The following DPEP1 variants were observed in gnomAD, a reference collection of about 807,000 sequenced individuals.
DPEP1 encodes the protein dipeptidase 1.
DPEP1 carries 50 observed loss-of-function variants against 42.3 expected under a neutral mutation model. That is an observed-to-expected ratio of 1.18 (90% confidence interval 0.94 to 1.50). The LOEUF (loss-of-function observed/expected upper bound fraction) is 1.50, where lower values mean the gene tolerates loss of function less well. Among genes scored for constraint, DPEP1 ranks in the 40% most tolerant of loss-of-function variants. The pLI is 0.00. For missense variants in DPEP1, 663 were observed against 553.0 expected (o/e 1.20, Z -1.99); for synonymous variants, 297 against 234.0 (o/e 1.27, Z -2.46).
chr16:89,640,081 C>G (rs1478427738), downstream of DPEP1, among the ~76,000 whole-genome samples: 1 of 152,214 alleles, frequency 6.6e-6, no homozygotes, highest in Non-Finnish European at 1.5e-5. Flanking sequence ...CAGACGTGGT[C>G]CAGGCGTGAG....
rs935414408 is a variant in DPEP1 at position 89,614,095 on chromosome 16, G to A, written c.-107+376G>A. Among the ~76,000 whole-genome samples the A allele has an allele frequency of 1.3e-4, 19 of 146,530 alleles. No homozygotes were observed. The South Asian group carries it at 1.5e-3, about 12-fold the overall frequency. On this transcript the variant is annotated intron_variant, in intron 1 of 10. Transcript: ENST00000690203. Reference sequence around the variant, plus strand: ...CTTCCTGGGATTCTAGGAAACTGGGGCCAGGTGTGTGGGGCAGGGGACGCG... The same window carrying A: ...CTTCCTGGGATTCTAGGAAACTGGGACCAGGTGTGTGGGGCAGGGGACGCG...
intron 1 of DPEP1, among the ~76,000 whole-genome samples, chr16:89,618,644 A>C (rs932500144): frequency 4.8e-4 from 73 of 152,156 alleles, no homozygotes; most frequent in African/African-American, 1.6e-3. Context: ...CTGTGACTGC[A>C]GGCACACACC....
intron 1 of DPEP1, among the ~76,000 whole-genome samples, chr16:89,629,984 G>A (rs753898997): frequency 1.3e-5 from 2 of 152,144 alleles, no homozygotes; most frequent in Non-Finnish European, 2.9e-5. Context: ...GCAGATCTAG[G>A]CCCCCGGGTC....
At chr16:89,637,088 G>C in intron 6 of DPEP1, 116 bp from the exon 7 acceptor site, 1 of 1,529,862 alleles carries the variant, frequency 6.5e-7, no homozygotes, top group Non-Finnish European at 8.8e-7. Flanking sequence ...GCTGAGCCCT[G>C]AGTGGCCCCG....
At chr16:89,637,998 T>TCCCCCA in intron 10 of DPEP1, 27 bp downstream of exon 10, 1 of 1,607,376 alleles carries the variant, frequency 6.2e-7, no homozygotes, top group South Asian at 1.1e-5. Context: ...CACCTGAGTC[T>TCCCCCA]CCCCCACCAC....
At position 89,636,308 on chromosome 16, in the gene DPEP1, C is replaced by A. The variant is rs772353636; in HGVS notation, c.282C>A (p.Ala94=). 3 of 1,612,228 alleles carry A rather than the reference C, an allele frequency of 1.9e-6. No homozygotes were observed. The highest frequency in any genetic ancestry group is 2.5e-6 in the Non-Finnish European group (3 of 1,179,794). ...YTPCDTQNKD[A]VRRTLEQMDV... is the part of the protein sequence containing the mutation. Reference sequence around the variant, plus strand: ...CCTGCGACACCCAGAACAAAGACGCCGTGCGGAGGACGCTGGAGCAGATGG... The same window carrying A: ...CCTGCGACACCCAGAACAAAGACGCAGTGCGGAGGACGCTGGAGCAGATGG... The change falls in exon 4 of 11, where the codon GCC becomes GCA. Residue 94 remains alanine, a synonymous_variant. Coordinates refer to ENST00000690203, the MANE Select transcript of DPEP1 (RefSeq NM_001389466.1).
intron 1 of DPEP1, among the ~76,000 whole-genome samples, chr16:89,621,295 G>A (rs2280371): frequency 0.055 from 8,309 of 151,140 alleles, 857 homozygotes; most frequent in East Asian, 0.46. Context: ...GGGGGCAACC[G>A]TGGGGGGCCT....
intron 1 of DPEP1, among the ~76,000 whole-genome samples, chr16:89,614,658 G>A (rs1437995754): frequency 6.6e-5 from 10 of 152,280 alleles, no homozygotes; most frequent in Non-Finnish European, 1.3e-4. Flanking sequence ...AGCCGGGCGT[G>A]GTGGCGGGCG....
In DPEP1 at chr16:89,625,382, A is replaced by T. The variant is rs1200982487; in HGVS notation, c.-106-4923A>T. Among the ~76,000 whole-genome samples, 4 of 151,952 alleles carry T rather than the reference A, an allele frequency of 2.6e-5. 1 individual carries two copies. Among genetic ancestry groups the T allele is most frequent in the Non-Finnish European group, 4.4e-5 (3 of 67,996 alleles). On this transcript the variant is annotated intron_variant, in intron 1 of 10. Transcript: ENST00000690203. ...TAACCGTCAGTTCTCTTCCCAACGA[A>T]CTCATTACCTCCAGAACTGCACCAA... is the stretch of plus-strand genomic sequence containing the variant.
intron 1 of DPEP1, among the ~76,000 whole-genome samples, chr16:89,621,758 G>A (rs565315538): frequency 4.1e-4 from 63 of 152,324 alleles, no homozygotes; most frequent in African/African-American, 1.2e-3. Context: ...CTGAGTGTGC[G>A]TTTACTCATC....
chr16:89,615,962 G>A (rs999486052), intron 1 of DPEP1, among the ~76,000 whole-genome samples: 1 of 152,092 alleles, frequency 6.6e-6, no homozygotes, highest in African/African-American at 2.4e-5. Context: ...CGTCCCCTAC[G>A]TGTCGTGTCC....
At chr16:89,640,258 C>T (rs1196424137), downstream of DPEP1, among the ~76,000 whole-genome samples, 1 of 152,208 alleles carries the variant, frequency 6.6e-6, no homozygotes, top group African/African-American at 2.4e-5. Context: ...CTCACAGCCC[C>T]CACAGGCTCT....
At position 89,637,928 on chromosome 16, in the gene DPEP1, C is replaced by A; in HGVS notation, c.1022C>A (p.Ala341Glu). Reference protein sequence around the residue: ...RNWTEAEVKGALADNLLRVFE... With the variant: ...RNWTEAEVKGELADNLLRVFE... ...TGGACGGAGGCGGAGGTCAAGGGCG[C>A]ACTGGCTGACAACCTGCTGAGGGTC... The change falls in exon 10 of 11, where the codon GCA becomes GAA. Residue 341 changes from alanine to glutamate, a missense_variant. Physicochemically the swap from Ala to Glu is moderately radical, Grantham distance 107. Coordinates refer to ENST00000690203, the MANE Select transcript of DPEP1 (RefSeq NM_001389466.1). The A allele has an allele frequency of 6.2e-7, 1 of 1,611,156 alleles. No individual in the cohort carries two copies. Among genetic ancestry groups the A allele is most frequent in the Non-Finnish European group, 8.5e-7 (1 of 1,179,174 alleles).
intron 1 of DPEP1, among the ~76,000 whole-genome samples, chr16:89,619,747 T>C (rs1035011699): frequency 5.5e-3 from 1 of 182 alleles, no homozygotes; most frequent in East Asian, 0.083. Context: ...CCCTGCAGCC[T>C]GCTGTGCCCC....
chr16:89,635,446 G>A (rs1322385861), intron 2 of DPEP1, among the ~76,000 whole-genome samples: 1 of 152,228 alleles, frequency 6.6e-6, no homozygotes, highest in Non-Finnish European at 1.5e-5. Context: ...GCCCCCCAAG[G>A]TCAGGCCGTT....
At chr16:89,634,224 G>T (rs2059629964) in intron 2 of DPEP1, among the ~76,000 whole-genome samples, 1 of 151,674 alleles carries the variant, frequency 6.6e-6, no homozygotes, top group African/African-American at 2.4e-5. Context: ...GAGTAGCTGG[G>T]ACTACAGGCA....
chr16:89,618,231 C>T (rs531972200), intron 1 of DPEP1, among the ~76,000 whole-genome samples: 3 of 151,932 alleles, frequency 2.0e-5, no homozygotes, highest in South Asian at 4.2e-4. Context: ...TTTGTTTATC[C>T]ATCTTGACAA....
intron 1 of DPEP1, among the ~76,000 whole-genome samples, chr16:89,614,768 C>G (rs899206462): frequency 6.6e-6 from 1 of 152,306 alleles, no homozygotes; most frequent in South Asian, 2.1e-4. Context: ...GCACTCCAGC[C>G]TGAGTGACAG....
At chr16:89,624,991 C>T (rs7192264) in intron 1 of DPEP1, among the ~76,000 whole-genome samples, 4,074 of 152,248 alleles carry the variant, frequency 0.027, 175 homozygotes, top group African/African-American at 0.092. Context: ...CCATCTGGGA[C>T]ATGGTGGTGG....
Sources: allele counts gnomAD v4.1 joint callset (sites outside exome capture counted in the v4.1 genomes callset), GRCh38; gene constraint gnomAD v4.1.1; transcripts MANE v1.5; gene names NCBI Gene and HGNC (gene_info 2026-07-23, HGNC 2026-07-21).